Variants in SELENOO observed in about 807,000 individuals in gnomAD.
SELENOO encodes the protein protein adenylyltransferase SelO, mitochondrial.
SELENOO carries 74 observed loss-of-function variants against 58.7 expected under a neutral mutation model. The ratio of observed to expected loss-of-function variants is 1.26; its 90% CI spans 1.04 to 1.53. The LOEUF is 1.53. SELENOO is among the 40% of genes most tolerant of loss of function. The pLI, the probability that SELENOO is intolerant of heterozygous loss-of-function variation, is 0.00. For missense variants in SELENOO, 1,149 were observed against 970.0 expected (o/e 1.18, Z -2.45); for synonymous variants, 543 against 453.2 (o/e 1.20, Z -2.52).
At chr22:50,215,977 C>A in intron 6 of SELENOO, 110 bp downstream of exon 6, 1 of 924,140 alleles carries the variant, frequency 1.1e-6, no homozygotes, top group Non-Finnish European at 1.6e-6. Context: ...GCCCAGGTGG[C>A]TGCTCCGCTC....
rs769440413 is a variant in SELENOO at position 50,216,738 on chromosome 22, T to C, written c.1550T>C (p.Phe517Ser). 1.0e-5 allele frequency: 16 copies of C among 1,605,914 alleles called. No homozygotes were observed. The Admixed American group carries it at 1.0e-4, about 10-fold the overall frequency. The change falls in exon 7 of 9, where the codon TTC becomes TCC. Residue 517 changes from phenylalanine (F) to serine (S), a missense_variant. Phe to Ser is a radical substitution (Grantham distance 155). Coordinates refer to ENST00000380903, the MANE Select transcript of SELENOO (RefSeq NM_031454.2). ...LMLAQSNPQL[F>S]ALMGTRAGIA... ...CTGGCGCAGTCAAACCCGCAGCTGT[T>C]CGCGCTTATGGGCACCCGGGCAGGC...
intron 2 of SELENOO, among the ~76,000 whole-genome samples, chr22:50,207,153 C>T (rs567472943): frequency 5.3e-5 from 8 of 151,930 alleles, no homozygotes; most frequent in Non-Finnish European, 1.0e-4. Context: ...GACAGAGTAT[C>T]GCTCTGTCAC....
chr22:50,205,418 C>T (rs2064326902), intron 1 of SELENOO, among the ~76,000 whole-genome samples: 1 of 152,162 alleles, frequency 6.6e-6, no homozygotes, highest in South Asian at 2.1e-4. Context: ...CCCGTCTTTA[C>T]AAAAAGTAAG....
chr22:50,214,466 A>G (rs941843705), intron 5 of SELENOO, among the ~76,000 whole-genome samples: 1 of 152,222 alleles, frequency 6.6e-6, no homozygotes, highest in Non-Finnish European at 1.5e-5. Flanking sequence ...CTAAAAATAC[A>G]AAGATTAGCC....
rs567778695 is a variant in SELENOO at position 50,201,432 on chromosome 22, C to A, written c.396C>A (p.Gly132=). Reference sequence around the variant, plus strand: ...TCAGCGGCAACGCGCTCCTGCCGGGCGCCGAGCCCGCCGCGCACTGCTACT... The same window carrying A: ...TCAGCGGCAACGCGCTCCTGCCGGGAGCCGAGCCCGCCGCGCACTGCTACT... ...LFFSGNALLP[G]AEPAAHCYCG... The change falls in exon 1 of 9, where the codon GGC becomes GGA. Residue 132 remains glycine, a synonymous_variant. Coordinates refer to ENST00000380903, the MANE Select transcript of SELENOO (RefSeq NM_031454.2). 4 of 1,375,098 alleles carry A rather than the reference C, an allele frequency of 2.9e-6. No homozygotes were observed. The highest frequency in any genetic ancestry group is 3.0e-5 in the South Asian group (2 of 65,628). 85.2% of individuals were successfully genotyped at this position (1,375,098 alleles called of 1,614,324 possible).
chr22:50,205,321 A>G (rs2064326272), intron 1 of SELENOO, among the ~76,000 whole-genome samples: 1 of 152,256 alleles, frequency 6.6e-6, no homozygotes, highest in Non-Finnish European at 1.5e-5. Context: ...GCAGTGGCTC[A>G]TGCCTGTAAT....
chr22:50,216,354 C>T (rs1291472686), intron 6 of SELENOO, among the ~76,000 whole-genome samples: 5 of 152,258 alleles, frequency 3.3e-5, no homozygotes. Context: ...GGCCCCTGCC[C>T]ACCTGGACCC....
chr22:50,206,071 G>C, intron 1 of SELENOO: 1 of 574,960 alleles, frequency 1.7e-6, no homozygotes, highest in South Asian at 2.0e-5. Context: ...AAGACGGGCT[G>C]CTGCGTGTGT....
chr22:50,217,477 C>T lies in SELENOO; in HGVS notation c.*108C>T. 7.7e-7 allele frequency: 1 copy of T among 1,305,336 alleles called. No individual in the cohort carries two copies. Among genetic ancestry groups the T allele is most frequent in the Non-Finnish European group, 1.1e-6 (1 of 946,962 alleles). The allele number at this position is 1,305,336 out of a possible 1,614,324, so 80.9% of individuals were successfully genotyped here. A position where few individuals can be genotyped will look rare whatever the true frequency, so the allele number is the denominator to read the frequency against. ...TATACACTGGGGGATTCTGCCCTGG[C>T]CCATGCACACCCGTCTTTCCATGAT... On this transcript the variant is annotated 3_prime_UTR_variant, in exon 9 of 9. Coordinates refer to ENST00000380903, the MANE Select transcript of SELENOO (RefSeq NM_031454.2).
chr22:50,214,220 C>T (rs1436324805), intron 5 of SELENOO, among the ~76,000 whole-genome samples: 6 of 152,212 alleles, frequency 3.9e-5, no homozygotes, highest in Non-Finnish European at 5.9e-5. Flanking sequence ...CGGCTCACTG[C>T]AGCCTCCACT....
rs2064433630 is a variant in SELENOO at position 50,217,601 on chromosome 22, CCAG to C, written c.*235_*237del. The stretch of plus-strand genomic sequence containing the variant: ...GGCTGGACCCAGGCTCCTAAATAAA[CCAG>C]CAACTCCCTCGAGTCTGTCTCTGTG... On this transcript the variant is annotated 3_prime_UTR_variant, in exon 9 of 9. Transcript: ENST00000380903. The C allele has an allele frequency of 1.2e-5, 12 of 1,016,476 alleles. No homozygotes were observed. Among genetic ancestry groups the C allele is most frequent in the Non-Finnish European group, 1.6e-5 (11 of 704,362 alleles). 63.0% of individuals were successfully genotyped at this position (1,016,476 alleles called of 1,614,324 possible).
At chr22:50,212,208 T>G (rs1378180331) in intron 5 of SELENOO, among the ~76,000 whole-genome samples, 1 of 152,208 alleles carries the variant, frequency 6.6e-6, no homozygotes, top group Non-Finnish European at 1.5e-5. Context: ...TGAGAAGGAT[T>G]GCCATTTGTT....
At chr22:50,216,432 C>G (rs1418511557) in intron 6 of SELENOO, among the ~76,000 whole-genome samples, 3 of 152,258 alleles carry the variant, frequency 2.0e-5, no homozygotes, top group East Asian at 1.9e-4. Flanking sequence ...GAGGTGGAGA[C>G]TCTCCAGCAG....
chr22:50,205,220 G>A (rs950002968), intron 1 of SELENOO, among the ~76,000 whole-genome samples: 2 of 152,372 alleles, frequency 1.3e-5, no homozygotes, highest in Admixed American at 1.3e-4. Flanking sequence ...ACAGATTTCT[G>A]GACATGGATG....
intron 1 of SELENOO, among the ~76,000 whole-genome samples, chr22:50,203,000 G>A (rs1258283319): frequency 2.0e-5 from 3 of 152,186 alleles, no homozygotes; most frequent in African/African-American, 4.8e-5. Flanking sequence ...GAAAGACAAC[G>A]GTACTCTTTG....
intron 2 of SELENOO, among the ~76,000 whole-genome samples, chr22:50,207,702 T>C (rs1368359823): frequency 6.8e-6 from 1 of 147,972 alleles, no homozygotes; most frequent in Non-Finnish European, 1.5e-5. Context: ...CTGGGCCCGC[T>C]GGTTGCCAGT....
chr22:50,202,196 C>T (rs1176103165), intron 1 of SELENOO, among the ~76,000 whole-genome samples: 1 of 141,790 alleles, frequency 7.1e-6, no homozygotes, highest in African/African-American at 2.6e-5. Context: ...ATATTCTTTA[C>T]TGCTTTTGTG....
intron 5 of SELENOO, 83 bp downstream of exon 5, chr22:50,210,994 C>T (rs1351730473): frequency 6.7e-7 from 1 of 1,483,902 alleles, no homozygotes; most frequent in East Asian, 2.3e-5. Flanking sequence ...CTTCCAGGTT[C>T]CAAGTGCACA....
Position 50,217,361 on chromosome 22 carries a change from T to C in SELENOO, c.2002T>C (p.Ser668Pro), listed in dbSNP as rs1201820421. Residue 668 changes from serine to proline, a missense_variant, in exon 9 of 9, where the codon TCT becomes CCT. Physicochemically the swap from Ser to Pro is moderately conservative, Grantham distance 74. Coordinates refer to ENST00000380903, the MANE Select transcript of SELENOO (RefSeq NM_031454.2). ...LWAAELCVTU[S>P]S ...GGCAGCAGAACTGTGCGTGACATGA[T>C]CTTCGTAACGGCCTCGGCACGCTCC... 24 of 1,612,516 alleles carry C rather than the reference T, an allele frequency of 1.5e-5. No individual in the cohort carries two copies. The highest frequency in any genetic ancestry group is 1.9e-5 in the Non-Finnish European group (23 of 1,179,894).
Sources: gnomAD v4.1 joint callset for allele counts (sites outside exome capture counted in the v4.1 genomes callset) on GRCh38, gnomAD v4.1.1 for gene constraint, MANE v1.5 for transcripts, NCBI Gene and HGNC (gene_info 2026-07-23, HGNC 2026-07-21) for gene names.